DOP1B: variants seen among roughly 807,000 people sequenced by gnomAD.
The protein encoded by DOP1B is protein DOP1B.
A neutral mutation model predicts 233.5 loss-of-function variants in DOP1B; 174 were observed. The ratio of observed to expected loss-of-function variants is 0.75; its 90% CI spans 0.66 to 0.85. The LOEUF is 0.85. Among genes scored for constraint, DOP1B ranks in the 40% least tolerant of loss-of-function variants. The probability of loss-of-function intolerance (pLI) is 0.00; values close to 1 mark genes in which losing one functional copy is unlikely to be tolerated. For synonymous variants in DOP1B, 1,190 were observed against 1,185.6 expected (o/e 1.00, Z -0.08); for missense variants, 2,652 against 2,846.6 (o/e 0.93, Z 1.56).
At chr21:36,221,613 G>T (rs1320316655) in intron 10 of DOP1B, among the ~76,000 whole-genome samples, 7 of 151,988 alleles carry the variant, frequency 4.6e-5, no homozygotes, top group Non-Finnish European at 1.0e-4. Context: ...GTCTTGCTCT[G>T]TTGCCCAGGC....
Position 36,232,867 on chromosome 21 carries a change from C to T in DOP1B, c.2414C>T (p.Thr805Ile). ...CTCATGACTATTTGCTGCTGTGTGA[C>T]TGACTGCTACCTCCAGAACGTGGCC... The part of the protein sequence containing the change: ...KSLMTICCCV[T>I]DCYLQNVAIS... Residue 805 changes from threonine to isoleucine, a missense_variant, in exon 15 of 37, where the codon ACT becomes ATT. Physicochemically the swap from Thr to Ile is moderately conservative, Grantham distance 89. Transcript: ENST00000691173. 1 of 1,613,850 alleles carries T rather than the reference C, an allele frequency of 6.2e-7. No individual in the cohort carries two copies. Among genetic ancestry groups the T allele is most frequent in the Non-Finnish European group, 8.5e-7 (1 of 1,179,990 alleles).
chr21:36,248,044 T>C (rs140142953), intron 20 of DOP1B, among the ~76,000 whole-genome samples: 47 of 152,346 alleles, frequency 3.1e-4, no homozygotes, highest in Non-Finnish European at 5.6e-4. Flanking sequence ...CTTGCTATCA[T>C]GGTGTTCATG....
intron 24 of DOP1B, 199 bp downstream of exon 24, chr21:36,260,931 T>G: frequency 7.2e-7 from 1 of 1,391,492 alleles, no homozygotes. Flanking sequence ...TTAAAATCTG[T>G]GCAGCGTACT....
chr21:36,221,272 C>CA (rs933694948), intron 10 of DOP1B, among the ~76,000 whole-genome samples: 35 of 152,100 alleles, frequency 2.3e-4, no homozygotes, highest in African/African-American at 8.4e-4. Flanking sequence ...GCAGGCGGAT[C>CA]ACTTGAGGTC....
intron 21 of DOP1B, among the ~76,000 whole-genome samples, chr21:36,249,155 G>A (rs1046203987): frequency 9.9e-5 from 15 of 151,746 alleles, no homozygotes; most frequent in African/African-American, 3.1e-4. Flanking sequence ...AGCTAGGCGC[G>A]GTGGCTCATG....
chr21:36,234,515 A>G (rs1262965996), intron 15 of DOP1B, among the ~76,000 whole-genome samples: 1 of 150,910 alleles, frequency 6.6e-6, no homozygotes, highest in African/African-American at 2.4e-5. Context: ...TACATATTCA[A>G]GTACTTACCA....
In DOP1B at chr21:36,250,943, C is replaced by T. The variant is rs373397204; in HGVS notation, c.4999-219C>T. ...GCTGCTCACTGCCCCTTCCCCCCGC[C>T]GGCATGACACGCCAACATCACACAT... On this transcript the variant is annotated intron_variant, in intron 21 of 36. Transcript: ENST00000691173. Among the ~76,000 whole-genome samples, 48 of 152,322 alleles carry T rather than the reference C, an allele frequency of 3.2e-4. 1 individual carries two copies. The highest frequency in any genetic ancestry group is 1.1e-3 in the African/African-American group (46 of 41,562).
Position 36,245,004 on chromosome 21 carries a change from C to T in DOP1B, c.3068-44C>T, listed in dbSNP as rs1301835617. ...CCGCCCTACAGCTAATGTATCATAG[C>T]TGACCCTTCTGTCTAAAGTCATTTG... is the stretch of plus-strand genomic sequence containing the variant. On this transcript the variant is annotated intron_variant, in intron 18 of 36. Coordinates refer to ENST00000691173, the MANE Select transcript of DOP1B (RefSeq NM_001320714.2). The surrounding 1 kb of genome is among the most constrained non-coding windows in gnomAD (Gnocchi z 5.5). 3 of 1,546,890 alleles carry T rather than the reference C, an allele frequency of 1.9e-6. No homozygotes were observed. The highest frequency in any genetic ancestry group is 1.8e-6 in the Non-Finnish European group (2 of 1,140,792).
intron 2 of DOP1B, among the ~76,000 whole-genome samples, chr21:36,196,937 C>A (rs866828303): frequency 6.8e-6 from 1 of 148,002 alleles, no homozygotes; most frequent in African/African-American, 2.6e-5. Flanking sequence ...CTAGTTATAT[C>A]TGATTTTTTT....
intron 2 of DOP1B, among the ~76,000 whole-genome samples, chr21:36,188,219 C>T (rs989177155): frequency 1.3e-5 from 2 of 152,126 alleles, no homozygotes; most frequent in Non-Finnish European, 2.9e-5. Context: ...TCAGCTGTGA[C>T]CTTTCAGAGA....
At chr21:36,237,530 G>A in intron 16 of DOP1B, 116 bp downstream of exon 16, 2 of 1,323,610 alleles carry the variant, frequency 1.5e-6, no homozygotes, top group Non-Finnish European at 2.1e-6. Context: ...TGGACATCGT[G>A]ATTAATAAAA....
chr21:36,245,159 C>G lies in DOP1B; in HGVS notation c.3179C>G (p.Thr1060Ser), dbSNP rs369027784. Reference protein sequence around the residue: ...SEEHLPLSQFTTVDREAIWAE... With the variant: ...SEEHLPLSQFSTVDREAIWAE... Reference sequence around the variant, plus strand: ...GAGCACCTGCCTCTGAGCCAGTTCACCACAGTGGACCGTGAAGCCATTTGG... The same window carrying G: ...GAGCACCTGCCTCTGAGCCAGTTCAGCACAGTGGACCGTGAAGCCATTTGG... Residue 1060 changes from threonine (T) to serine (S), a missense_variant, in exon 19 of 37, where the codon ACC becomes AGC. Physicochemically the swap from Thr to Ser is moderately conservative, Grantham distance 58. Coordinates refer to ENST00000691173, the MANE Select transcript of DOP1B (RefSeq NM_001320714.2). The surrounding 1 kb of genome is among the most constrained non-coding windows in gnomAD (Gnocchi z 5.5). 8 of 1,613,956 alleles carry G rather than the reference C, an allele frequency of 5.0e-6. No homozygotes were observed. In the Admixed American group the frequency reaches 5.0e-5, roughly 10 times the overall value.
At position 36,293,518 on chromosome 21, in the gene DOP1B, A is replaced by T; in HGVS notation, c.6844A>T (p.Lys2282Ter). ...FPVTDSPRIL[K>*]QLEECIEYDF... ...TGTCACAGATAGCCCAAGGATCTTA[A>T]AACAACTGGAAGAATGCATCGAATA... Residue 2282 changes from lysine to a stop codon, truncating the protein, a stop_gained, in exon 37 of 37, where the codon AAA (lysine) becomes TAA (stop). Coordinates refer to ENST00000691173, the MANE Select transcript of DOP1B (RefSeq NM_001320714.2). LOFTEE classifies it high-confidence loss of function. 2 of 1,614,178 alleles carry T rather than the reference A, an allele frequency of 1.2e-6. No individual in the cohort carries two copies. Among genetic ancestry groups the T allele is most frequent in the Non-Finnish European group, 1.7e-6 (2 of 1,180,000 alleles).
chr21:36,270,570 A>AAAAAAG (rs2067276912), intron 27 of DOP1B, among the ~76,000 whole-genome samples: 1 of 149,580 alleles, frequency 6.7e-6, no homozygotes, highest in Non-Finnish European at 1.5e-5. Flanking sequence ...AAAAAAAAAA[A>AAAAAAG]AAAAAAAAGT....
chr21:36,244,952 T>C, intron 18 of DOP1B, 96 bp from the exon 19 acceptor site: 1 of 1,257,234 alleles, frequency 8.0e-7, no homozygotes, highest in South Asian at 1.6e-5. Flanking sequence ...GGAATATTGA[T>C]CTTTCTGTCT....
At chr21:36,291,909 G>A (rs1371561725) in intron 35 of DOP1B, among the ~76,000 whole-genome samples, 195 bp from the exon 36 acceptor site, 2 of 152,094 alleles carry the variant, frequency 1.3e-5, no homozygotes, top group African/African-American at 2.4e-5. Context: ...AGCAGGGCAG[G>A]ATTTCTTTTT....
At chr21:36,158,679 TG>T (rs2065842275) in intron 1 of DOP1B, among the ~76,000 whole-genome samples, 3 of 151,720 alleles carry the variant, frequency 2.0e-5, no homozygotes, top group African/African-American at 7.3e-5. Context: ...GGCATGCGCC[TG>T]TAGTCCCAGC....
chr21:36,180,811 G>T (rs1205100830), intron 2 of DOP1B, among the ~76,000 whole-genome samples: 2 of 151,908 alleles, frequency 1.3e-5, no homozygotes, highest in Non-Finnish European at 2.9e-5. Context: ...AACCCATGAG[G>T]CGGAGGTTGC....
intron 1 of DOP1B, among the ~76,000 whole-genome samples, chr21:36,163,073 G>A (rs968550680): frequency 6.6e-6 from 1 of 152,068 alleles, no homozygotes; most frequent in Non-Finnish European, 1.5e-5. Context: ...GTTGCCAGGC[G>A]CGGTGGCTCA....
Sources: gnomAD v4.1 joint callset for allele counts (sites outside exome capture counted in the v4.1 genomes callset) on GRCh38, gnomAD v4.1.1 for gene constraint, Gnocchi (gnomAD v3.1) non-coding constraint, MANE v1.5 for transcripts, NCBI Gene and HGNC (gene_info 2026-07-23, HGNC 2026-07-21) for gene names.